The following ITGB8 variants were observed in gnomAD, a reference collection of about 807,000 sequenced individuals.
The protein encoded by ITGB8 is integrin subunit beta 8.
In ITGB8, 30 loss-of-function variants were observed where a neutral mutation model predicts 89.5. The observed-to-expected ratio is 0.34, with a 90% CI of 0.25 to 0.45. The LOEUF (loss-of-function observed/expected upper bound fraction) is 0.45. Among genes scored for constraint, ITGB8 ranks in the 20% least tolerant of loss-of-function variants. The pLI is 1.00. For missense variants in ITGB8, 836 were observed against 933.3 expected (o/e 0.90, Z 1.36); for synonymous variants, 335 against 320.4 (o/e 1.05, Z -0.49).
At chr7:20,394,820 A>G in intron 7 of ITGB8, 76 bp from the exon 8 acceptor site, 1 of 1,014,858 alleles carries the variant, frequency 9.9e-7, no homozygotes, top group Non-Finnish European at 1.6e-6. Context: ...TAACTACAAA[A>G]ATATTTACTA....
intron 1 of ITGB8, among the ~76,000 whole-genome samples, chr7:20,334,863 C>A (rs1430576082): frequency 6.6e-6 from 1 of 152,180 alleles, no homozygotes; most frequent in Non-Finnish European, 1.5e-5. Flanking sequence ...TCTCTTGTTA[C>A]CAAATTATCT....
intron 1 of ITGB8, among the ~76,000 whole-genome samples, chr7:20,332,754 CTT>C (rs1784449494): frequency 6.6e-6 from 1 of 152,160 alleles, no homozygotes; most frequent in Admixed American, 6.5e-5. Flanking sequence ...TGTTTTAGGA[CTT>C]TTGATTTATG....
chr7:20,397,770 C>T (rs1269318859), intron 8 of ITGB8, among the ~76,000 whole-genome samples: 3 of 152,156 alleles, frequency 2.0e-5, no homozygotes, highest in Admixed American at 6.5e-5. Flanking sequence ...GTCTCTTGTT[C>T]TAAAGATACG....
chr7:20,357,508 G>A (rs1339475092), intron 1 of ITGB8, among the ~76,000 whole-genome samples: 1 of 152,094 alleles, frequency 6.6e-6, no homozygotes, highest in African/African-American at 2.4e-5. Flanking sequence ...ATATATGTGT[G>A]TGTATGTGTA....
intron 1 of ITGB8, among the ~76,000 whole-genome samples, chr7:20,332,708 C>T (rs1562644875): frequency 6.6e-6 from 1 of 152,178 alleles, no homozygotes; most frequent in Non-Finnish European, 1.5e-5. Context: ...CTCTAAATCA[C>T]AAAGGAAAGT....
Position 20,399,912 on chromosome 7 carries a change from C to T in ITGB8, c.1281+918C>T, listed in dbSNP as rs537236544. The stretch of plus-strand genomic sequence containing the variant: ...CTAAAAATGAATAAAAGAGACTCTT[C>T]TCTTTAGTTAGAATATGTTTTTCTA... On this transcript the variant is annotated intron_variant, in intron 9 of 13. Coordinates refer to ENST00000222573, the MANE Select transcript of ITGB8 (RefSeq NM_002214.3). 1.4e-4 allele frequency among the ~76,000 whole-genome samples: 21 copies of T among 152,222 alleles called. No individual in the cohort carries two copies. The South Asian group carries it at 3.3e-3, about 24-fold the overall frequency.
At chr7:20,363,589 G>A (rs770387140) in intron 1 of ITGB8, 48 bp from the exon 2 acceptor site, 11 of 1,117,190 alleles carry the variant, frequency 9.8e-6, no homozygotes, top group African/African-American at 3.2e-5. Flanking sequence ...AATTATATAC[G>A]CTTTCTATTT....
Position 20,404,751 on chromosome 7 carries a change from G to A in ITGB8, c.1811G>A (p.Arg604Lys), listed in dbSNP as rs754205396. The change falls in exon 11 of 14, where the codon AGA (arginine) becomes AAA (lysine). Residue 604 changes from arginine to lysine, a missense_variant. Coordinates refer to ENST00000222573, the MANE Select transcript of ITGB8 (RefSeq NM_002214.3). Reference sequence around the variant, plus strand: ...TCAAAGGGCCAAGTGTGCAGTGGAAGAGGCACGTGTGTGTGTGGAAGGTGT... The same window carrying A: ...TCAAAGGGCCAAGTGTGCAGTGGAAAAGGCACGTGTGTGTGTGGAAGGTGT... ...VNSKGQVCSG[R>K]GTCVCGRCEC... 4 of 1,614,228 alleles carry A rather than the reference G, an allele frequency of 2.5e-6. No homozygotes were observed. Among genetic ancestry groups the A allele is most frequent in the South Asian group, 2.2e-5 (2 of 91,088 alleles).
intron 1 of ITGB8, among the ~76,000 whole-genome samples, chr7:20,332,781 G>A (rs1784450725): frequency 6.6e-6 from 1 of 152,244 alleles, no homozygotes; most frequent in Admixed American, 6.5e-5. Context: ...AAAATCAAAT[G>A]TAAGGTGGTA....
At position 20,331,751 on chromosome 7, in the gene ITGB8, G is replaced by C. The variant is rs1784404249; in HGVS notation, c.-56G>C. On this transcript the variant is annotated 5_prime_UTR_variant, in exon 1 of 14. Coordinates refer to ENST00000222573, the MANE Select transcript of ITGB8 (RefSeq NM_002214.3). ...GCCCCGAGGTGCGCCCGGGAGGCGC[G>C]AGCCCGCGTCCGGAAGGCAGTCAGG... 6.4e-7 allele frequency: 1 copy of C among 1,563,034 alleles called. No homozygotes were observed. The highest frequency in any genetic ancestry group is 8.7e-7 in the Non-Finnish European group (1 of 1,154,734).
intron 8 of ITGB8, 120 bp from the exon 9 acceptor site, chr7:20,398,740 G>C (rs757390057): frequency 3.3e-6 from 2 of 607,850 alleles, no homozygotes; most frequent in Non-Finnish European, 5.1e-6. Flanking sequence ...TCCTTTTATA[G>C]AAACAGACTC....
intron 3 of ITGB8, among the ~76,000 whole-genome samples, chr7:20,377,097 T>A (rs1786182483): frequency 6.6e-6 from 1 of 152,136 alleles, no homozygotes; most frequent in African/African-American, 2.4e-5. Context: ...ATAGCTTACC[T>A]CCAAGGACTG....
chr7:20,407,137 G>C (rs949339587), intron 12 of ITGB8, among the ~76,000 whole-genome samples: 1 of 152,122 alleles, frequency 6.6e-6, no homozygotes, highest in Admixed American at 6.5e-5. Context: ...CTGAGGCCTT[G>C]ACAGCCAATT....
intron 7 of ITGB8, among the ~76,000 whole-genome samples, chr7:20,392,049 C>A (rs935944552): frequency 1.3e-5 from 2 of 152,118 alleles, no homozygotes; most frequent in Non-Finnish European, 1.5e-5. Flanking sequence ...GTCTTTTGGG[C>A]CAGGTGAGAC....
At chr7:20,365,582 A>C (rs999718771) in intron 2 of ITGB8, 1 of 152,234 alleles carries the variant, frequency 6.6e-6, no homozygotes, top group African/African-American at 2.4e-5. Context: ...GCATGGCTTA[A>C]GAAATGGGAT....
chr7:20,411,560 T>G lies in ITGB8; in HGVS notation c.*1563T>G, dbSNP rs1787763125. The G allele has an allele frequency of 6.5e-6, 1 of 152,678 alleles. No homozygotes were observed. The highest frequency in any genetic ancestry group is 2.4e-5 in the African/African-American group (1 of 41,466). The allele number at this position is 152,678 out of a possible 1,614,324, so 9.5% of individuals were successfully genotyped here. The stretch of plus-strand genomic sequence containing the variant: ...AGTGGCCACATTGGAAAGGAGTTTT[T>G]ATCTTCTCATTGTCAGGCCAGTGTT... On this transcript the variant is annotated 3_prime_UTR_variant, in exon 14 of 14. Transcript: ENST00000222573.
At chr7:20,397,552 T>A (rs543430410) in intron 8 of ITGB8, among the ~76,000 whole-genome samples, 19 of 152,272 alleles carry the variant, frequency 1.2e-4, no homozygotes, top group South Asian at 1.0e-3. Flanking sequence ...GAAGCAGAAT[T>A]TTAGAAGGGT....
At chr7:20,332,452 C>G (rs570006817) in intron 1 of ITGB8, among the ~76,000 whole-genome samples, 1 of 152,020 alleles carries the variant, frequency 6.6e-6, no homozygotes, top group Non-Finnish European at 1.5e-5. Flanking sequence ...ATTACCCACA[C>G]TGGAGGGATA....
chr7:20,407,497 T>G (rs1431247752), intron 12 of ITGB8, among the ~76,000 whole-genome samples: 1 of 152,190 alleles, frequency 6.6e-6, no homozygotes, highest in Non-Finnish European at 1.5e-5. Flanking sequence ...GCAACTATTA[T>G]TTCAAGTCTC....
Sources: gnomAD v4.1 joint callset for allele counts (sites outside exome capture counted in the v4.1 genomes callset) on GRCh38, gnomAD v4.1.1 for gene constraint, MANE v1.5 for transcripts, NCBI Gene and HGNC (gene_info 2026-07-23, HGNC 2026-07-21) for gene names.